PPP1R16B: variants seen among roughly 807,000 people sequenced by gnomAD.
The protein encoded by PPP1R16B is protein phosphatase 1 regulatory subunit 16B, also known as protein phosphatase 1 regulatory inhibitor subunit 16B.
A neutral mutation model predicts 61.7 loss-of-function variants in PPP1R16B; 14 were observed. That is an observed-to-expected ratio of 0.23 (90% CI 0.15 to 0.35). PPP1R16B has a LOEUF of 0.35. Ranked by LOEUF, PPP1R16B falls within the 10% of genes least tolerant of loss-of-function variation. PPP1R16B has a pLI of 1.00. For synonymous variants in PPP1R16B, 266 were observed against 305.3 expected (o/e 0.87, Z 1.34); for missense variants, 547 against 752.5 (o/e 0.73, Z 3.19).
chr20:38,866,898 G>T (rs2085094196), intron 2 of PPP1R16B, among the ~76,000 whole-genome samples: 1 of 152,104 alleles, frequency 6.6e-6, no homozygotes, highest in South Asian at 2.1e-4. Context: ...GGAAACCCTG[G>T]ACTCATTAGC....
intron 3 of PPP1R16B, among the ~76,000 whole-genome samples, chr20:38,893,735 G>A (rs16987660): frequency 0.022 from 3,377 of 152,070 alleles, 129 homozygotes; most frequent in African/African-American, 0.078. Flanking sequence ...TATTCAGGCC[G>A]GGTCTCCCAG....
intron 2 of PPP1R16B, among the ~76,000 whole-genome samples, chr20:38,888,185 G>A (rs150640780): frequency 9.2e-5 from 14 of 152,372 alleles, no homozygotes; most frequent in African/African-American, 3.4e-4. Flanking sequence ...GGGATTAGGG[G>A]ATGTGGACTT....
At chr20:38,874,672 G>A (rs2085153239) in intron 2 of PPP1R16B, among the ~76,000 whole-genome samples, 1 of 152,156 alleles carries the variant, frequency 6.6e-6, no homozygotes, top group Non-Finnish European at 1.5e-5. Flanking sequence ...CTGGCACTAG[G>A]CTTGCTGGCA....
At chr20:38,871,050 C>T (rs2145744745) in intron 2 of PPP1R16B, among the ~76,000 whole-genome samples, 1 of 152,282 alleles carries the variant, frequency 6.6e-6, no homozygotes, top group African/African-American at 2.4e-5. Flanking sequence ...TGTGTACCCT[C>T]ATCATCCCAG....
At chr20:38,832,036 C>T (rs1417838551) in intron 1 of PPP1R16B, among the ~76,000 whole-genome samples, 1 of 152,226 alleles carries the variant, frequency 6.6e-6, no homozygotes, top group Non-Finnish European at 1.5e-5. Context: ...GTGTCTGCTC[C>T]TTTCAACTGG....
At chr20:38,912,134 T>C (rs1398133319) in intron 10 of PPP1R16B, among the ~76,000 whole-genome samples, 4 of 150,316 alleles carry the variant, frequency 2.7e-5, no homozygotes, top group African/African-American at 9.8e-5. Flanking sequence ...AGTTCCGCTC[T>C]TGTTGCCTAG....
At chr20:38,908,416 T>G (rs972181403) in intron 10 of PPP1R16B, among the ~76,000 whole-genome samples, 7 of 152,088 alleles carry the variant, frequency 4.6e-5, no homozygotes, top group Non-Finnish European at 8.8e-5. Context: ...TCGGGGAGTG[T>G]GTTAGAGGCT....
chr20:38,905,973 A>T lies in PPP1R16B; in HGVS notation c.701A>T (p.His234Leu). The T allele has an allele frequency of 6.2e-7, 1 of 1,612,926 alleles. No homozygotes were observed. The highest frequency in any genetic ancestry group is 8.5e-7 in the Non-Finnish European group (1 of 1,179,544). The change falls in exon 7 of 11, where the codon CAC becomes CTC. Residue 234 changes from histidine (H) to leucine (L), a missense_variant. His to Leu is a moderately conservative substitution (Grantham distance 99, BLOSUM62 -3). Transcript: ENST00000299824. The part of the protein sequence containing the change: ...WIDAQGATLL[H>L]IAGANGYLRA... ...CACTTCTTTCCTCTCCTCCAGCTGC[A>T]CATAGCTGGAGCCAATGGATACCTG...
chr20:38,841,779 G>T (rs529183625), intron 2 of PPP1R16B, among the ~76,000 whole-genome samples: 1 of 152,232 alleles, frequency 6.6e-6, no homozygotes, highest in South Asian at 2.1e-4. Context: ...CCTTTTCATT[G>T]CCCTGTAGTA....
At chr20:38,899,616 G>GCC (rs1294603421) in intron 4 of PPP1R16B, among the ~76,000 whole-genome samples, 1 of 152,184 alleles carries the variant, frequency 6.6e-6, no homozygotes, top group Non-Finnish European at 1.5e-5. Context: ...TGTACTATCA[G>GCC]CCTTTTGAGT....
Position 38,865,329 on chromosome 20 carries a change from G to A in PPP1R16B, c.251-24266G>A, listed in dbSNP as rs551247389. Among the ~76,000 whole-genome samples the A allele has an allele frequency of 2.3e-3, 346 of 147,510 alleles. 1 individual carries two copies. Among genetic ancestry groups the A allele is most frequent in the African/African-American group, 6.4e-3 (254 of 39,650 alleles). ...TTTTGAGACGGAGTCTCACTCTGTCGCCCAGGCTGGAGTGCAGTGGCGCGA... is the reference window on the plus strand; with the variant it reads ...TTTTGAGACGGAGTCTCACTCTGTCACCCAGGCTGGAGTGCAGTGGCGCGA... On this transcript the variant is annotated intron_variant, in intron 2 of 10. Coordinates refer to ENST00000299824, the MANE Select transcript of PPP1R16B (RefSeq NM_015568.4).
chr20:38,897,670 A>G (rs2085360224), intron 4 of PPP1R16B, among the ~76,000 whole-genome samples: 1 of 152,176 alleles, frequency 6.6e-6, no homozygotes. Context: ...TTTTTTAAGG[A>G]CCTGCTATAC....
chr20:38,890,357 C>A (rs1730870062), intron 3 of PPP1R16B, among the ~76,000 whole-genome samples: 1 of 152,236 alleles, frequency 6.6e-6, no homozygotes, highest in South Asian at 2.1e-4. Flanking sequence ...GTGCACAAGG[C>A]TGCACGAGGC....
At chr20:38,857,219 G>C (rs1410747031) in intron 2 of PPP1R16B, among the ~76,000 whole-genome samples, 1 of 152,122 alleles carries the variant, frequency 6.6e-6, no homozygotes, top group African/African-American at 2.4e-5. Flanking sequence ...GAAACAGAAG[G>C]CTCCTGGCTT....
intron 2 of PPP1R16B, among the ~76,000 whole-genome samples, chr20:38,861,595 A>T (rs1013707438): frequency 5.5e-5 from 8 of 145,088 alleles, no homozygotes; most frequent in African/African-American, 7.7e-5. Context: ...CTTCCCCCCC[A>T]CCCTTCAGCC....
intron 3 of PPP1R16B, among the ~76,000 whole-genome samples, chr20:38,890,739 TAATG>T (rs1382994161): frequency 2.0e-5 from 3 of 152,224 alleles, no homozygotes; most frequent in African/African-American, 7.2e-5. Flanking sequence ...CATGTTGAAT[TAATG>T]CATGAACACA....
chr20:38,918,477 C>T lies in PPP1R16B; in HGVS notation c.1515C>T (p.Ser505=). ...TCCTTAGCACACACCTGGGCAGCAG[C>T]ATGGCCAGGACGGGCGAGAGTAGCA... ...HPFLSTHLGS[S]MARTGESSSE... The change falls in exon 11 of 11, where the codon AGC becomes AGT. Residue 505 remains serine (S), a synonymous_variant. Transcript: ENST00000299824. This position sits in a 1 kb window ranked among gnomAD's most constrained non-coding sequence, Gnocchi z 5.3. The T allele has an allele frequency of 6.2e-7, 1 of 1,613,584 alleles. No individual in the cohort carries two copies. The highest frequency in any genetic ancestry group is 1.7e-5 in the Admixed American group (1 of 59,988).
chr20:38,836,078 T>C lies in PPP1R16B; in HGVS notation c.153T>C (p.His51=), dbSNP rs1364744272. The C allele has an allele frequency of 1.2e-6, 2 of 1,611,864 alleles. No individual in the cohort carries two copies. Among genetic ancestry groups the C allele is most frequent in the Non-Finnish European group, 1.7e-6 (2 of 1,179,618 alleles). The stretch of plus-strand genomic sequence containing the variant: ...ACTTGCAGCACCGCAAGCGAAAGCA[T>C]GAGCGGAAGCGCAGCACGGGCGGCC... ...EQDLQHRKRK[H]ERKRSTGGRR... Residue 51 remains histidine (H), a synonymous_variant, in exon 2 of 11, where the codon CAT becomes CAC. Transcript: ENST00000299824.
intron 1 of PPP1R16B, among the ~76,000 whole-genome samples, chr20:38,831,636 C>T (rs2145716986): frequency 6.6e-6 from 1 of 152,308 alleles, no homozygotes; most frequent in South Asian, 2.1e-4. Flanking sequence ...CTAAAGGGGA[C>T]AGCCCGACTC....
Sources: gnomAD v4.1 joint callset for allele counts (sites outside exome capture counted in the v4.1 genomes callset) on GRCh38, gnomAD v4.1.1 for gene constraint, Gnocchi (gnomAD v3.1) non-coding constraint, MANE v1.5 for transcripts, NCBI Gene and HGNC (gene_info 2026-07-23, HGNC 2026-07-21) for gene names.